The following SPTBN5 variants were observed in gnomAD, a reference collection of about 807,000 sequenced individuals.
The protein encoded by SPTBN5 is spectrin beta, non-erythrocytic 5.
In SPTBN5, 513 loss-of-function variants were observed where a neutral mutation model predicts 477.6. The ratio of observed to expected loss-of-function variants is 1.07; its 90% CI spans 1.00 to 1.16. SPTBN5 has a LOEUF of 1.16. Ranked by LOEUF, SPTBN5 falls within the 50% of genes most tolerant of loss-of-function variation. The pLI is 0.00. For synonymous variants in SPTBN5, 2,169 were observed against 2,011.7 expected (o/e 1.08, Z -2.09); for missense variants, 5,062 against 4,731.8 (o/e 1.07, Z -2.05).
intron 35 of SPTBN5, among the ~76,000 whole-genome samples, 174 bp from the exon 36 acceptor site, chr15:41,867,300 C>A (rs2066358248): frequency 6.6e-6 from 1 of 152,200 alleles, no homozygotes; most frequent in South Asian, 2.1e-4. Context: ...CCCCAAGGAC[C>A]ACACGGTGTG....
At chr15:41,877,427 C>A in intron 17 of SPTBN5, 71 bp from the exon 18 acceptor site, 1 of 1,535,658 alleles carries the variant, frequency 6.5e-7, no homozygotes, top group South Asian at 1.2e-5. Flanking sequence ...CCTCTCACCT[C>A]CAGGGTTCAC....
chr15:41,887,707 G>A (rs2140968352), intron 5 of SPTBN5, among the ~76,000 whole-genome samples: 1 of 152,270 alleles, frequency 6.6e-6, no homozygotes, highest in Non-Finnish European at 1.5e-5. Flanking sequence ...AGAATTGAGG[G>A]GCACAGAAAG....
intron 20 of SPTBN5, 121 bp from the exon 21 acceptor site, chr15:41,876,405 T>C: frequency 7.3e-7 from 1 of 1,376,504 alleles, no homozygotes; most frequent in Non-Finnish European, 9.9e-7. Context: ...AAACCTGAGC[T>C]GTGTTGCCTG....
intron 57 of SPTBN5, 76 bp from the exon 58 acceptor site, chr15:41,853,863 CCT>C: frequency 1.4e-5 from 21 of 1,451,800 alleles, no homozygotes; most frequent in Non-Finnish European, 1.8e-5. Flanking sequence ...GAGCACCAGG[CCT>C]CTCTGAGGAA....
rs1322055254 is a variant in SPTBN5 at position 41,857,606 on chromosome 15, C to T, written c.8331G>A (p.Gln2777=). The T allele has an allele frequency of 1.2e-6, 2 of 1,608,688 alleles. No individual in the cohort carries two copies. Among genetic ancestry groups the T allele is most frequent in the South Asian group, 1.1e-5 (1 of 89,880 alleles). Residue 2777 remains glutamine, a synonymous_variant, in exon 50 of 68, where the codon CAG becomes CAA. Coordinates refer to ENST00000320955, the MANE Select transcript of SPTBN5 (RefSeq NM_016642.4). ...ALWGELQDNS[Q]KKVAKLQKAC... is the part of the protein sequence containing the mutation. The stretch of plus-strand genomic sequence containing the variant: ...CCTTCTGGAGCTTGGCCACCTTCTT[C>T]TGGGAGTTGTCTTGCAGCTCACCCC...
intron 57 of SPTBN5, 117 bp from the exon 58 acceptor site, chr15:41,853,904 C>T: frequency 7.0e-7 from 1 of 1,429,860 alleles, no homozygotes; most frequent in Non-Finnish European, 9.3e-7. Context: ...ACAAGCTGGG[C>T]CAAGTCCTAG....
In SPTBN5 at chr15:41,863,892, C is replaced by G; in HGVS notation, c.7034+17G>C. 6 of 1,613,578 alleles carry G rather than the reference C, an allele frequency of 3.7e-6. No homozygotes were observed. Among genetic ancestry groups the G allele is most frequent in the Non-Finnish European group, 1.7e-6 (2 of 1,179,674 alleles). Reference sequence around the variant, plus strand: ...CCCTCTTCCCGGCCCTTTGGTTCTCCCCAGCCTGGGACTGGCCTGTTGTTG... The same window carrying G: ...CCCTCTTCCCGGCCCTTTGGTTCTCGCCAGCCTGGGACTGGCCTGTTGTTG... On this transcript the variant is annotated intron_variant, in intron 40 of 67. Transcript: ENST00000320955.
chr15:41,874,150 C>T, intron 24 of SPTBN5, 105 bp from the exon 25 acceptor site: 2 of 1,503,738 alleles, frequency 1.3e-6, no homozygotes, highest in Non-Finnish European at 9.0e-7. Context: ...CCCCCAGGGT[C>T]AAAATAGCTG....
In SPTBN5 at chr15:41,852,012, G is replaced by C. The variant is rs982182095; in HGVS notation, c.10585-162C>G. 8 of 938,134 alleles carry C rather than the reference G, an allele frequency of 8.5e-6. No homozygotes were observed. In the African/African-American group the frequency reaches 1.2e-4, roughly 14 times the overall value. 58.1% of individuals were successfully genotyped at this position (938,134 alleles called of 1,614,324 possible). A position where few individuals can be genotyped will look rare whatever the true frequency, so the allele number is the denominator to read the frequency against. The stretch of plus-strand genomic sequence containing the variant: ...ATCAGATGAGATCGGGCATGTTCAG[G>C]GTGGTATGGCTGTAGACAGCCATCT... On this transcript the variant is annotated intron_variant, in intron 62 of 67. Coordinates refer to ENST00000320955, the MANE Select transcript of SPTBN5 (RefSeq NM_016642.4).
chr15:41,874,020 T>C lies in SPTBN5; in HGVS notation c.4715A>G (p.His1572Arg). Residue 1572 changes from histidine (H) to arginine (R), a missense_variant, in exon 25 of 68, where the codon CAC (histidine) becomes CGC (arginine). By Grantham distance (29) the His-to-Arg change is conservative. Coordinates refer to ENST00000320955, the MANE Select transcript of SPTBN5 (RefSeq NM_016642.4). ...HKELQVEVKA[H>R]QGQVQRVLSS... The stretch of plus-strand genomic sequence containing the variant: ...CAGCACCCGTTGCACCTGCCCCTGG[T>C]GAGCTTTTACCTCCACCTGGAGCTC... 6.3e-7 allele frequency: 1 copy of C among 1,599,986 alleles called. No homozygotes were observed.
In SPTBN5 at chr15:41,848,582, G is replaced by GC. The variant is rs781367632; in HGVS notation, c.*33dup. The GC allele has an allele frequency of 2.5e-6, 4 of 1,613,450 alleles. No individual in the cohort carries two copies. The African/African-American group carries it at 5.3e-5, about 22-fold the overall frequency. On this transcript the variant is annotated 3_prime_UTR_variant, in exon 68 of 68. Coordinates refer to ENST00000320955, the MANE Select transcript of SPTBN5 (RefSeq NM_016642.4). ...GTCCCTTAGATGTGTCCTCGCTTGT[G>GC]CCCCTGAAGTTTGGTGTTGCACTGG...
chr15:41,876,432 G>T, intron 20 of SPTBN5, 116 bp downstream of exon 20: 1 of 1,338,820 alleles, frequency 7.5e-7, no homozygotes, highest in Non-Finnish European at 1.0e-6. Context: ...AGAAGGTGTT[G>T]AGAGGATGAA....
rs1396382854 is a variant in SPTBN5 at position 41,848,400 on chromosome 15, A to G, written c.*216T>C. On this transcript the variant is annotated 3_prime_UTR_variant, in exon 68 of 68. Coordinates refer to ENST00000320955, the MANE Select transcript of SPTBN5 (RefSeq NM_016642.4). ...TAACACGTCTCCTCTTCACCCAGAC[A>G]GGAATGCAGGGGGAGGCCAGGCAAT... 1 of 628,208 alleles carries G rather than the reference A, an allele frequency of 1.6e-6. No homozygotes were observed. The highest frequency in any genetic ancestry group is 1.9e-5 in the South Asian group (1 of 53,758). The allele number at this position is 628,208 out of a possible 1,614,324, so 38.9% of individuals were successfully genotyped here.
intron 32 of SPTBN5, 73 bp downstream of exon 32, chr15:41,869,768 T>C (rs1269631401): frequency 7.3e-7 from 1 of 1,365,458 alleles, no homozygotes; most frequent in Non-Finnish European, 9.4e-7. Flanking sequence ...GAGGGCCTCA[T>C]GCGTGCATGC....
chr15:41,861,263 T>C (rs892031138), intron 46 of SPTBN5, among the ~76,000 whole-genome samples, 156 bp downstream of exon 46: 2 of 152,180 alleles, frequency 1.3e-5, no homozygotes, highest in African/African-American at 4.8e-5. Flanking sequence ...AGATGACGGG[T>C]AAGTAACTGC....
rs74693506 is a variant in SPTBN5 at position 41,857,054 on chromosome 15, G to C, written c.8622-15C>G. 0.031 allele frequency: 49,337 copies of C among 1,594,406 alleles called. 865 individuals carry two copies. The highest frequency in any genetic ancestry group is 0.04 in the African/African-American group (3,000 of 74,650). On this transcript the variant is annotated splice_polypyrimidine_tract_variant and intron_variant, in intron 51 of 67. Coordinates refer to ENST00000320955, the MANE Select transcript of SPTBN5 (RefSeq NM_016642.4). ...GGCTCTTGAACCTGCAGCGGTGGAG[G>C]GTGGGACCAAGGGAGGCAGGGACCA... is the stretch of plus-strand genomic sequence containing the variant.
chr15:41,869,653 G>T (rs1237922391), intron 32 of SPTBN5, among the ~76,000 whole-genome samples, 188 bp downstream of exon 32: 1 of 152,182 alleles, frequency 6.6e-6, no homozygotes, highest in Admixed American at 6.5e-5. Context: ...AGACCCTAAG[G>T]TGTCACTGCT....
At chr15:41,893,230 G>C in intron 2 of SPTBN5, 52 bp downstream of exon 2, 1 of 1,611,118 alleles carries the variant, frequency 6.2e-7, no homozygotes, top group South Asian at 1.1e-5. Flanking sequence ...CCACTGGCCA[G>C]AGCTGGGGGC....
In SPTBN5 at chr15:41,863,967, T is replaced by C. The variant is rs2066210937; in HGVS notation, c.6976A>G (p.Asn2326Asp). 2 of 1,613,768 alleles carry C rather than the reference T, an allele frequency of 1.2e-6. No homozygotes were observed. Among genetic ancestry groups the C allele is most frequent in the Non-Finnish European group, 1.7e-6 (2 of 1,179,898 alleles). Residue 2326 changes from asparagine to aspartate, a missense_variant, in exon 40 of 68, where the codon AAC (asparagine) becomes GAC (aspartate). Physicochemically the swap from Asn to Asp is conservative, Grantham distance 23. Coordinates refer to ENST00000320955, the MANE Select transcript of SPTBN5 (RefSeq NM_016642.4). ...SISDLSLQLK[N>D]RDPEEVKIIC... is the part of the protein sequence containing the mutation. ...ATCTTGACTTCCTCAGGGTCCCGGT[T>C]CTTGAGCTGCAGTGACAAGTCACTG...
Sources: allele counts gnomAD v4.1 joint callset (sites outside exome capture counted in the v4.1 genomes callset), GRCh38; gene constraint gnomAD v4.1.1; transcripts MANE v1.5; gene names NCBI Gene and HGNC (gene_info 2026-07-23, HGNC 2026-07-21).